DOK6: variants seen among roughly 807,000 people sequenced by gnomAD.
The protein encoded by DOK6 is downstream of tyrosine kinase 6.
In DOK6, 22 loss-of-function variants were observed where a neutral mutation model predicts 44.0. The ratio of observed to expected loss-of-function variants is 0.50; its 90% CI spans 0.36 to 0.71. The LOEUF is 0.71. Ranked by LOEUF, DOK6 falls within the 30% of genes least tolerant of loss-of-function variation. The probability of loss-of-function intolerance (pLI) is 0.00; values close to 1 mark genes in which losing one functional copy is unlikely to be tolerated. For synonymous variants in DOK6, 166 were observed against 145.5 expected (o/e 1.14, Z -1.01); for missense variants, 340 against 416.4 (o/e 0.82, Z 1.60).
intron 7 of DOK6, among the ~76,000 whole-genome samples, chr18:69,819,939 C>T (rs985001930): frequency 6.6e-6 from 1 of 151,842 alleles, no homozygotes; most frequent in Admixed American, 6.6e-5. Context: ...ATGAGGTTTA[C>T]AAAAATTGCA....
At position 69,833,512 on chromosome 18, in the gene DOK6, G is replaced by A. The variant is rs138596424; in HGVS notation, c.857-7732G>A. Among the ~76,000 whole-genome samples the A allele has an allele frequency of 2.5e-3, 373 of 152,170 alleles. 3 individuals are homozygous for A. Among genetic ancestry groups the A allele is most frequent in the African/African-American group, 8.5e-3 (353 of 41,504 alleles). ...CATTGGTCTGGACAAAGATTTTGGG[G>A]AGTAAGACCACAAAAGCACAGGAAA... is the stretch of plus-strand genomic sequence containing the variant. On this transcript the variant is annotated intron_variant, in intron 7 of 7. Transcript: ENST00000382713.
chr18:69,461,684 T>C (rs902421769), intron 1 of DOK6, among the ~76,000 whole-genome samples: 5 of 152,332 alleles, frequency 3.3e-5, no homozygotes, highest in Admixed American at 6.5e-5. Flanking sequence ...AAACCTAATA[T>C]TAAAAGCATT....
chr18:69,652,866 G>C (rs930332121), intron 3 of DOK6, among the ~76,000 whole-genome samples: 3 of 152,076 alleles, frequency 2.0e-5, no homozygotes, highest in African/African-American at 7.2e-5. Flanking sequence ...GATGATTCTA[G>C]CTGCAAGAAA....
At chr18:69,437,568 T>C (rs1979017539) in intron 1 of DOK6, among the ~76,000 whole-genome samples, 2 of 152,218 alleles carry the variant, frequency 1.3e-5, no homozygotes, top group Admixed American at 6.5e-5. Context: ...TTTTGGTTAC[T>C]GTAGCCTTGT....
intron 4 of DOK6, among the ~76,000 whole-genome samples, chr18:69,690,818 A>G (rs1358095100): frequency 1.3e-5 from 2 of 152,230 alleles, no homozygotes; most frequent in Non-Finnish European, 2.9e-5. Flanking sequence ...TTTTGCCTAA[A>G]TACCATTTAG....
chr18:69,432,701 C>T (rs548946135), intron 1 of DOK6, among the ~76,000 whole-genome samples: 2 of 152,162 alleles, frequency 1.3e-5, no homozygotes, highest in South Asian at 4.2e-4. Flanking sequence ...GGTGTTACTG[C>T]ATAGGAACTT....
At chr18:69,653,163 G>T (rs1486772613) in intron 3 of DOK6, among the ~76,000 whole-genome samples, 1 of 152,134 alleles carries the variant, frequency 6.6e-6, no homozygotes, top group African/African-American at 2.4e-5. Context: ...CACCATGTTT[G>T]GGTGAGTCTA....
chr18:69,424,985 A>C (rs1187493090), intron 1 of DOK6, among the ~76,000 whole-genome samples: 3 of 152,182 alleles, frequency 2.0e-5, no homozygotes, highest in African/African-American at 7.2e-5. Context: ...CTTCAGTGCC[A>C]CTTGTGTGTA....
At chr18:69,735,459 A>G (rs1045300274) in intron 5 of DOK6, among the ~76,000 whole-genome samples, 18 of 152,238 alleles carry the variant, frequency 1.2e-4, no homozygotes, top group Non-Finnish European at 2.1e-4. Flanking sequence ...GAAAAGTCAC[A>G]AGGGATAAAG....
Position 69,841,362 on chromosome 18 carries a change from C to T in DOK6, c.975C>T (p.Tyr325=). 3.7e-6 allele frequency: 6 copies of T among 1,614,196 alleles called. No homozygotes were observed. Among genetic ancestry groups the T allele is most frequent in the Non-Finnish European group, 4.2e-6 (5 of 1,180,026 alleles). The change falls in exon 8 of 8, where the codon TAC becomes TAT. Residue 325 remains tyrosine, a synonymous_variant. Transcript: ENST00000382713. ...LSRSSSYGFS[Y]SSSLIQ ...GGTCCAGCAGCTATGGATTCAGCTA[C>T]AGCTCCAGCCTCATCCAATGACACA... is the stretch of plus-strand genomic sequence containing the variant.
At chr18:69,613,864 A>G (rs1271032962) in intron 3 of DOK6, among the ~76,000 whole-genome samples, 1 of 151,616 alleles carries the variant, frequency 6.6e-6, no homozygotes, top group African/African-American at 2.4e-5. Context: ...ATATGTATCA[A>G]TTGAATAAAT....
intron 3 of DOK6, among the ~76,000 whole-genome samples, chr18:69,670,003 T>C (rs893813030): frequency 2.0e-5 from 3 of 152,200 alleles, no homozygotes; most frequent in Non-Finnish European, 4.4e-5. Flanking sequence ...TATCTTATAG[T>C]TCCGAAGGAC....
chr18:69,523,104 T>C (rs886330045), intron 1 of DOK6, among the ~76,000 whole-genome samples: 4 of 152,106 alleles, frequency 2.6e-5, no homozygotes, highest in Non-Finnish European at 5.9e-5. Context: ...CGGAAATGTG[T>C]AATTTAAATT....
intron 1 of DOK6, among the ~76,000 whole-genome samples, chr18:69,516,200 C>T (rs1369227461): frequency 6.6e-6 from 1 of 151,934 alleles, no homozygotes; most frequent in Non-Finnish European, 1.5e-5. Context: ...AAGAATGTTT[C>T]ACATTCTAGG....
chr18:69,537,131 C>T (rs1312820804), intron 1 of DOK6, among the ~76,000 whole-genome samples: 3 of 151,920 alleles, frequency 2.0e-5, no homozygotes, highest in East Asian at 1.9e-4. Flanking sequence ...CCACCTCATC[C>T]GGCCAATACA....
chr18:69,584,356 C>A (rs986683671), intron 2 of DOK6, among the ~76,000 whole-genome samples: 6 of 151,976 alleles, frequency 3.9e-5, no homozygotes, highest in African/African-American at 1.5e-4. Flanking sequence ...GCACAACCTC[C>A]ACCCACTGCA....
At chr18:69,693,541 G>A (rs909561791) in intron 4 of DOK6, among the ~76,000 whole-genome samples, 3 of 151,974 alleles carry the variant, frequency 2.0e-5, no homozygotes, top group African/African-American at 7.3e-5. Flanking sequence ...CTGTTTTCCT[G>A]TACGGTTCTC....
chr18:69,743,321 C>T (rs572154927), intron 6 of DOK6, among the ~76,000 whole-genome samples: 1 of 152,314 alleles, frequency 6.6e-6, no homozygotes, highest in Non-Finnish European at 1.5e-5. Flanking sequence ...TAGCAGAGTT[C>T]TTTGGATTCC....
chr18:69,650,963 A>G (rs1166572797), intron 3 of DOK6, among the ~76,000 whole-genome samples: 1 of 152,218 alleles, frequency 6.6e-6, no homozygotes, highest in East Asian at 1.9e-4. Context: ...AAAATTTAAG[A>G]ACAATCTTGA....
Sources: allele counts gnomAD v4.1 joint callset (sites outside exome capture counted in the v4.1 genomes callset), GRCh38; gene constraint gnomAD v4.1.1; transcripts MANE v1.5; gene names NCBI Gene and HGNC (gene_info 2026-07-23, HGNC 2026-07-21).